Variants in DOCK10 observed in about 807,000 individuals in gnomAD.
DOCK10 encodes the protein dedicator of cytokinesis protein 10.
Under a neutral mutation model 280.1 loss-of-function variants are expected in DOCK10, and 145 were observed. The observed-to-expected ratio is 0.52, with a 90% CI of 0.45 to 0.59. The LOEUF (loss-of-function observed/expected upper bound fraction) is 0.59. Among genes scored for constraint, DOCK10 ranks in the 20% least tolerant of loss-of-function variants. DOCK10 has a pLI of 0.00. For synonymous variants in DOCK10, 915 were observed against 942.2 expected (o/e 0.97, Z 0.53); for missense variants, 2,368 against 2,651.7 (o/e 0.89, Z 2.35).
At chr2:224,907,263 T>C (rs1428799525) in intron 3 of DOCK10, among the ~76,000 whole-genome samples, 2 of 152,182 alleles carry the variant, frequency 1.3e-5, no homozygotes, top group Non-Finnish European at 1.5e-5. Flanking sequence ...GTAACATTAT[T>C]TATACTTATA....
At chr2:224,852,838 GCC>G in intron 17 of DOCK10, 95 bp downstream of exon 17, 1 of 1,060,472 alleles carries the variant, frequency 9.4e-7, no homozygotes, top group Non-Finnish European at 1.3e-6. Context: ...ACAGAGTGTT[GCC>G]CCATAGTAAT....
intron 14 of DOCK10, among the ~76,000 whole-genome samples, chr2:224,857,991 C>T (rs913640183): frequency 2.0e-5 from 3 of 151,976 alleles, no homozygotes; most frequent in African/African-American, 7.2e-5. Flanking sequence ...CATTTTTTCT[C>T]TGTTAAGTAG....
At chr2:224,924,867 C>T (rs755495445) in intron 2 of DOCK10, among the ~76,000 whole-genome samples, 1 of 152,070 alleles carries the variant, frequency 6.6e-6, no homozygotes, top group African/African-American at 2.4e-5. Context: ...TAAGAAGCGT[C>T]GGCCAAAAGC....
At chr2:224,967,131 G>A (rs933477756) in intron 1 of DOCK10, among the ~76,000 whole-genome samples, 1 of 150,308 alleles carries the variant, frequency 6.7e-6, no homozygotes, top group Non-Finnish European at 1.5e-5. Context: ...CCAGGCTGGA[G>A]TGCAGTGGCG....
At chr2:224,807,194 C>T (rs1693447029) in intron 33 of DOCK10, 1 of 153,702 alleles carries the variant, frequency 6.5e-6, no homozygotes, top group Non-Finnish European at 1.4e-5. Flanking sequence ...TGGGTTATTT[C>T]ATCTGAGATT....
intron 7 of DOCK10, among the ~76,000 whole-genome samples, 190 bp from the exon 8 acceptor site, chr2:224,876,411 T>C (rs190008440): frequency 6.6e-6 from 1 of 152,332 alleles, no homozygotes; most frequent in Admixed American, 6.5e-5. Context: ...CAAAGCTTTT[T>C]GTACTAAGAA....
intron 1 of DOCK10, among the ~76,000 whole-genome samples, chr2:225,034,893 T>C (rs1302978321): frequency 1.3e-5 from 2 of 152,128 alleles, no homozygotes; most frequent in Non-Finnish European, 2.9e-5. Context: ...CACCTCACCC[T>C]GAAACACATC....
intron 2 of DOCK10, among the ~76,000 whole-genome samples, chr2:224,917,610 G>C (rs982387776): frequency 6.6e-6 from 1 of 152,006 alleles, no homozygotes; most frequent in African/African-American, 2.4e-5. Flanking sequence ...GAAAAAAATA[G>C]GTTGTGTTTT....
chr2:224,960,039 G>A (rs868761205), intron 1 of DOCK10, among the ~76,000 whole-genome samples: 1 of 152,080 alleles, frequency 6.6e-6, no homozygotes, highest in African/African-American at 2.4e-5. Context: ...CATCAAACAA[G>A]GTGACCTGAC....
chr2:224,843,183 C>T (rs1696089788), intron 22 of DOCK10, among the ~76,000 whole-genome samples: 1 of 152,086 alleles, frequency 6.6e-6, no homozygotes, highest in South Asian at 2.1e-4. Flanking sequence ...CTTCCCTTCT[C>T]CACTGAGGAG....
intron 29 of DOCK10, 27 bp downstream of exon 29, chr2:224,819,419 A>G: frequency 1.4e-6 from 2 of 1,448,958 alleles, no homozygotes; most frequent in Non-Finnish European, 1.9e-6. Context: ...AGTTTAGAAA[A>G]CAATCACTCC....
chr2:224,964,495 G>A (rs925962071), intron 1 of DOCK10, among the ~76,000 whole-genome samples: 13 of 147,932 alleles, frequency 8.8e-5, no homozygotes, highest in Admixed American at 1.4e-4. Flanking sequence ...TTTTTTTTTC[G>A]TTTCTTTCTT....
At position 224,886,483 on chromosome 2, in the gene DOCK10, G is replaced by T; in HGVS notation, c.465C>A (p.Asp155Glu). 6.2e-7 allele frequency: 1 copy of T among 1,610,608 alleles called. No individual in the cohort carries two copies. Among genetic ancestry groups the T allele is most frequent in the Non-Finnish European group, 8.5e-7 (1 of 1,178,990 alleles). ...EKLPSHSFEI[D>E]HEDADKDEDT... ...CTTCATCCTTATCAGCATCTTCATG[G>T]TCAATCTCAAAGGAATGTGAAGGAA... The change falls in exon 5 of 56, where the codon GAC (aspartate) becomes GAA (glutamate). Residue 155 changes from aspartate to glutamate, a missense_variant. Coordinates refer to ENST00000258390, the MANE Select transcript of DOCK10 (RefSeq NM_014689.3).
intron 30 of DOCK10, among the ~76,000 whole-genome samples, 171 bp downstream of exon 30, chr2:224,816,446 T>C (rs1398205129): frequency 3.3e-5 from 5 of 152,144 alleles, no homozygotes; most frequent in Non-Finnish European, 1.5e-5. Flanking sequence ...TGCCAACAAC[T>C]TCTTTTGCAT....
chr2:224,951,194 A>G (rs186866678), intron 1 of DOCK10, among the ~76,000 whole-genome samples: 1 of 152,338 alleles, frequency 6.6e-6, no homozygotes, highest in East Asian at 1.9e-4. Context: ...TATAGCTTAT[A>G]GGGTTGCTGT....
rs1271744822 is a variant in DOCK10, at chr2:224,886,185, C to A, written c.490G>T (p.Asp164Tyr). ...TTGGAAGACGAGTGGGAAGTGGTAT[C>A]CTGTAGGAAAGGCATAGTAGCATGA... Reference protein sequence around the residue: ...IDHEDADKDEDTTSHSSSKGG... With the variant: ...IDHEDADKDEYTTSHSSSKGG... Residue 164 changes from aspartate (D) to tyrosine (Y), a missense_variant and splice_region_variant, in exon 6 of 56, where the codon GAT (aspartate) becomes TAT (tyrosine). Around this residue, in one of 2 missense-constraint regions of DOCK10, gnomAD observed 1,209 missense variants for 1,250.9 expected, o/e 0.97. Transcript: ENST00000258390. 1.2e-6 allele frequency: 2 copies of A among 1,613,682 alleles called. No individual in the cohort carries two copies. Among genetic ancestry groups the A allele is most frequent in the Non-Finnish European group, 1.7e-6 (2 of 1,179,800 alleles).
rs7596588 is a variant in DOCK10 at position 224,783,253 on chromosome 2, C to T, written c.5655+3769G>A. The stretch of plus-strand genomic sequence containing the variant: ...TCAGAGAATTTAACAAAACACTTTG[C>T]CTTTTAAGCTCAGACTGGAATTTTT... On this transcript the variant is annotated intron_variant, in intron 50 of 55. Coordinates refer to ENST00000258390, the MANE Select transcript of DOCK10 (RefSeq NM_014689.3). 8.7e-3 allele frequency among the ~76,000 whole-genome samples: 1,317 copies of T among 150,984 alleles called. 23 individuals are homozygous for T. The highest frequency in any genetic ancestry group is 0.03 in the African/African-American group (1,244 of 40,934).
intron 2 of DOCK10, among the ~76,000 whole-genome samples, chr2:224,924,386 C>T (rs1480494702): frequency 1.3e-5 from 2 of 152,200 alleles, no homozygotes; most frequent in Non-Finnish European, 2.9e-5. Flanking sequence ...CCCATGGCAA[C>T]CACTAATCTC....
chr2:224,980,072 C>T (rs367877439), intron 1 of DOCK10, among the ~76,000 whole-genome samples: 34 of 152,036 alleles, frequency 2.2e-4, no homozygotes, highest in African/African-American at 6.8e-4. Context: ...AGTAAGAAGA[C>T]GATTAGCCAA....
Sources: allele counts gnomAD v4.1 joint callset (sites outside exome capture counted in the v4.1 genomes callset), GRCh38; gene constraint gnomAD v4.1.1; regional missense constraint gnomAD v4.1.1; transcripts MANE v1.5; gene names NCBI Gene and HGNC (gene_info 2026-07-23, HGNC 2026-07-21).